HCFC1: variants seen among roughly 807,000 people sequenced by gnomAD.
The protein encoded by HCFC1 is host cell factor C1.
Under a neutral mutation model 105.5 loss-of-function variants are expected in HCFC1, and 7 were observed. The ratio of observed to expected loss-of-function variants is 0.07; its 90% confidence interval spans 0.04 to 0.12. HCFC1 has a LOEUF of 0.12. Ranked by LOEUF, HCFC1 falls within the 10% of genes least tolerant of loss-of-function variation. HCFC1 has a pLI of 1.00. For missense variants in HCFC1, 1,065 were observed against 1,823.6 expected (o/e 0.58, Z 7.58); for synonymous variants, 918 against 828.1 (o/e 1.11, Z -1.86).
In HCFC1 at chrX:153,971,418, G is replaced by C; in HGVS notation, c.-578C>G. ...GCGCCTTAGTGCAGCCGCCGCTCCC[G>C]AAACAGCCTCGACACACCTAACGAA... On this transcript the variant is annotated 5_prime_UTR_variant, in exon 1 of 26. Coordinates refer to ENST00000310441, the MANE Select transcript of HCFC1 (RefSeq NM_005334.3). 3.4e-6 allele frequency: 1 copy of C among 294,984 alleles called. No individual in the cohort carries two copies. Among genetic ancestry groups the C allele is most frequent in the Non-Finnish European group, 5.9e-6 (1 of 168,936 alleles). 24.3% of individuals were successfully genotyped at this position (294,984 alleles called of 1,213,427 possible). A position where few individuals can be genotyped will look rare whatever the true frequency, so the allele number is the denominator to read the frequency against.
At chrX:153,965,772 G>A (rs782409641) in intron 1 of HCFC1, among the ~76,000 whole-genome samples, 2 of 113,131 alleles carry the variant, frequency 1.8e-5, no homozygotes, top group East Asian at 2.8e-4. Flanking sequence ...CAGGGATGCT[G>A]TGATATTGTG....
chrX:153,968,783 G>A (rs782635383), intron 1 of HCFC1, among the ~76,000 whole-genome samples: 1 of 113,006 alleles, frequency 8.8e-6, no homozygotes, highest in Non-Finnish European at 1.9e-5. Flanking sequence ...CCCTGCCAGG[G>A]AGCCTGCTCC....
rs1557112293 is a variant in HCFC1, at chrX:153,950,987, G to A, written c.5529C>T (p.Gly1843=). The part of the protein sequence containing the change: ...DDAVPSDDDL[G]TVPDYNQLKK... ...TCAGCTGGTTATAGTCAGGGACGGTGCCCAAATCATCCTAGGAAAAGAGGA... is the reference window on the plus strand; with the variant it reads ...TCAGCTGGTTATAGTCAGGGACGGTACCCAAATCATCCTAGGAAAAGAGGA... Residue 1843 remains glycine, a synonymous_variant, in exon 23 of 26, where the codon GGC becomes GGT. Coordinates refer to ENST00000310441, the MANE Select transcript of HCFC1 (RefSeq NM_005334.3). 1 of 1,209,591 alleles carries A rather than the reference G, an allele frequency of 8.3e-7. No homozygotes were observed. Among genetic ancestry groups the A allele is most frequent in the Admixed American group, 2.2e-5 (1 of 46,071 alleles).
At chrX:153,965,975 G>A (rs941006174) in intron 1 of HCFC1, among the ~76,000 whole-genome samples, 5 of 111,900 alleles carry the variant, frequency 4.5e-5, no homozygotes, top group African/African-American at 1.3e-4. Context: ...ATGCGGAACC[G>A]TGTGCAAGGC....
chrX:153,956,861 G>A (rs880002708), intron 14 of HCFC1, 57 bp downstream of exon 14: 8 of 1,204,005 alleles, frequency 6.6e-6, no homozygotes, highest in South Asian at 3.5e-5. Flanking sequence ...CCTGCGTGGC[G>A]TGCTGGGGTG....
intron 1 of HCFC1, among the ~76,000 whole-genome samples, chrX:153,965,193 C>T (rs2065463178): frequency 9.0e-6 from 1 of 111,217 alleles, no homozygotes; most frequent in Admixed American, 9.5e-5. Flanking sequence ...CTACGAAGAG[C>T]CATGGGGATG....
chrX:153,952,301 G>A (rs2065321214), intron 19 of HCFC1, 143 bp from the exon 20 acceptor site: 1 of 1,019,360 alleles, frequency 9.8e-7, no homozygotes, highest in Non-Finnish European at 1.3e-6. Flanking sequence ...TGGCCGAGGG[G>A]CCCTGCCTGT....
intron 11 of HCFC1, 30 bp from the exon 12 acceptor site, chrX:153,957,916 A>T: frequency 8.6e-7 from 1 of 1,168,557 alleles, no homozygotes; most frequent in Non-Finnish European, 1.2e-6. Context: ...GCAAGGAGTG[A>T]TCTGGAAACC....
intron 1 of HCFC1, 143 bp downstream of exon 1, chrX:153,970,505 G>C (rs1354315869): frequency 2.4e-5 from 10 of 411,107 alleles, no homozygotes; most frequent in Non-Finnish European, 4.1e-5. Context: ...AGGGGAGAGA[G>C]AGAGGGAAGG....
chrX:153,951,940 C>T lies in HCFC1; in HGVS notation c.5161G>A (p.Asp1721Asn). 8.4e-7 allele frequency: 1 copy of T among 1,184,490 alleles called. No individual in the cohort carries two copies. The part of the protein sequence containing the change: ...HLPTEALAPA[D>N]SLNDPAIESN... Reference sequence around the variant, plus strand: ...TCAATGGCTGGGTCGTTGAGACTGTCGGCAGGGGCCAGGGCCTCAGTGGGG... The same window carrying T: ...TCAATGGCTGGGTCGTTGAGACTGTTGGCAGGGGCCAGGGCCTCAGTGGGG... Residue 1721 changes from aspartate to asparagine, a missense_variant, in exon 20 of 26, where the codon GAC (aspartate) becomes AAC (asparagine). Coordinates refer to ENST00000310441, the MANE Select transcript of HCFC1 (RefSeq NM_005334.3).
At chrX:153,963,646 T>G (rs1250939741) in intron 3 of HCFC1, among the ~76,000 whole-genome samples, 1 of 111,982 alleles carries the variant, frequency 8.9e-6, no homozygotes, top group Non-Finnish European at 1.9e-5. Flanking sequence ...TGGGTGAGGC[T>G]GCACAGCAGC....
intron 1 of HCFC1, among the ~76,000 whole-genome samples, chrX:153,968,457 G>A (rs1408084578): frequency 1.8e-5 from 2 of 111,815 alleles, no homozygotes; most frequent in South Asian, 3.7e-4. Context: ...GGCGGGAGGG[G>A]GCAGAAACCC....
rs906153342 is a variant in HCFC1, at chrX:153,948,947, C to G, written c.*400G>C. On this transcript the variant is annotated 3_prime_UTR_variant, in exon 26 of 26. Transcript: ENST00000310441. ...AGGCCAGGGTGCCAGGAAAGCCACT[C>G]TGGGGAGGGCCAAGAGGGACGCCTT... 2 of 119,378 alleles carry G rather than the reference C, an allele frequency of 1.7e-5. No individual in the cohort carries two copies. Among genetic ancestry groups the G allele is most frequent in the African/African-American group, 3.3e-5 (1 of 30,646 alleles). The allele number at this position is 119,378 out of a possible 1,213,427, so 9.8% of individuals were successfully genotyped here.
rs2065375728 is a variant in HCFC1 at position 153,956,235 on chromosome X, G to A, written c.2812C>T (p.Leu938=). 8.3e-7 allele frequency: 1 copy of A among 1,211,420 alleles called. No homozygotes were observed. Among genetic ancestry groups the A allele is most frequent in the African/African-American group, 1.7e-5 (1 of 57,680 alleles). The part of the protein sequence containing the change: ...AITVSAAQTT[L]TAAGGLTTPT... ...GTTGTGAGCCCGCCTGCCGCTGTCA[G>A]CGTGGTCTGTGCGGCCGACACAGTG... Residue 938 remains leucine (L), a synonymous_variant, in exon 16 of 26, where the codon CTG becomes TTG. Coordinates refer to ENST00000310441, the MANE Select transcript of HCFC1 (RefSeq NM_005334.3).
intron 16 of HCFC1, among the ~76,000 whole-genome samples, chrX:153,955,849 A>G: frequency 8.8e-6 from 1 of 113,081 alleles, no homozygotes; most frequent in East Asian, 2.8e-4. Context: ...TCAATGCTCA[A>G]AGGCCAACAA....
intron 1 of HCFC1, among the ~76,000 whole-genome samples, chrX:153,966,389 C>T (rs782267289): frequency 1.1e-4 from 12 of 112,603 alleles, no homozygotes; most frequent in South Asian, 3.7e-4. Context: ...TCGGACATGC[C>T]GAGCACTAGA....
chrX:153,956,868 G>A, intron 14 of HCFC1, 50 bp downstream of exon 14: 1 of 1,205,136 alleles, frequency 8.3e-7, no homozygotes, highest in Non-Finnish European at 1.1e-6. Flanking sequence ...GGCGTGCTGG[G>A]GTGGACTGCA....
chrX:153,963,141 C>T, intron 4 of HCFC1, 84 bp downstream of exon 4: 2 of 716,982 alleles, frequency 2.8e-6, no homozygotes, highest in Admixed American at 2.3e-5. Context: ...CCCACCTCAC[C>T]ATACAACAGC....
intron 1 of HCFC1, among the ~76,000 whole-genome samples, chrX:153,968,935 G>A (rs868966130): frequency 9.0e-6 from 1 of 111,457 alleles, no homozygotes; most frequent in Non-Finnish European, 1.9e-5. Flanking sequence ...GGGCTGGCGC[G>A]GGGCACCACC....
Sources: gnomAD v4.1 joint callset for allele counts (sites outside exome capture counted in the v4.1 genomes callset) on GRCh38, gnomAD v4.1.1 for gene constraint, MANE v1.5 for transcripts, NCBI Gene and HGNC (gene_info 2026-07-23, HGNC 2026-07-21) for gene names.